The following ADAMTSL1 variants were observed in gnomAD, a reference collection of about 807,000 sequenced individuals.
ADAMTSL1 encodes ADAMTS-like protein 1.
A neutral mutation model predicts 201.8 loss-of-function variants in ADAMTSL1; 126 were observed. The ratio of observed to expected loss-of-function variants is 0.62; its 90% CI spans 0.54 to 0.72. The LOEUF is 0.72. ADAMTSL1 is among the 30% of genes least tolerant of loss of function. ADAMTSL1 has a pLI of 0.00. For synonymous variants in ADAMTSL1, 1,121 were observed against 903.4 expected (o/e 1.24, Z -4.32); for missense variants, 2,679 against 2,277.8 (o/e 1.18, Z -3.59).
chr9:18,663,974 C>T (rs1829270953), intron 9 of ADAMTSL1, among the ~76,000 whole-genome samples: 1 of 151,960 alleles, frequency 6.6e-6, no homozygotes. Flanking sequence ...TATTTTAAAA[C>T]ATTTATTACA....
intron 2 of ADAMTSL1, among the ~76,000 whole-genome samples, chr9:18,275,702 T>C (rs1466159142): frequency 6.6e-6 from 1 of 152,202 alleles, no homozygotes; most frequent in African/African-American, 2.4e-5. Flanking sequence ...TATTCCTTCG[T>C]ATTGCTGAGT....
chr9:18,458,373 AT>A (rs1365518699), intron 2 of ADAMTSL1, among the ~76,000 whole-genome samples: 1 of 152,188 alleles, frequency 6.6e-6, no homozygotes, highest in Non-Finnish European at 1.5e-5. Context: ...ACTCTGAACT[AT>A]TTTTTATACT....
Position 18,221,533 on chromosome 9 carries a change from C to G in ADAMTSL1, c.207+57552C>G, listed in dbSNP as rs1057477003. On this transcript the variant is annotated intron_variant, in intron 2 of 29. Transcript: ENST00000680146. ...TGTGCTTTGTGGATATATTTTCAGC[C>G]TTATTTTACTTTTTTTGAATGTAAG... 5.9e-5 allele frequency among the ~76,000 whole-genome samples: 9 copies of G among 152,058 alleles called. No individual in the cohort carries two copies. In the South Asian group the frequency reaches 1.9e-3, roughly 32 times the overall value.
At chr9:18,470,092 T>C (rs1374107169), upstream of ADAMTSL1, among the ~76,000 whole-genome samples, 4 of 152,186 alleles carry the variant, frequency 2.6e-5, no homozygotes, top group Admixed American at 6.5e-5. Context: ...TCTCAGATGG[T>C]AGTCCTGGGG....
At chr9:18,721,987 C>T (rs1407566165) in intron 15 of ADAMTSL1, among the ~76,000 whole-genome samples, 1 of 152,162 alleles carries the variant, frequency 6.6e-6, no homozygotes, top group African/African-American at 2.4e-5. Flanking sequence ...GGCTCTGCCA[C>T]CTTTTAGCCT....
chr9:18,088,293 G>A (rs543140252), intron 1 of ADAMTSL1, among the ~76,000 whole-genome samples: 1 of 152,234 alleles, frequency 6.6e-6, no homozygotes, highest in South Asian at 2.1e-4. Flanking sequence ...TGAAAAATCT[G>A]TAGAAGAAAA....
chr9:18,837,486 C>T (rs1563843472), intron 23 of ADAMTSL1, among the ~76,000 whole-genome samples: 1 of 152,132 alleles, frequency 6.6e-6, no homozygotes, highest in Non-Finnish European at 1.5e-5. Context: ...TACTTAATGC[C>T]CTATAAATCA....
At chr9:18,409,048 T>C (rs1265022625) in intron 2 of ADAMTSL1, among the ~76,000 whole-genome samples, 1 of 152,012 alleles carries the variant, frequency 6.6e-6, no homozygotes, top group Non-Finnish European at 1.5e-5. Flanking sequence ...ATAAGGAATA[T>C]TATTGATCAT....
intron 2 of ADAMTSL1, among the ~76,000 whole-genome samples, chr9:18,468,391 A>T (rs1330578093): frequency 6.6e-6 from 1 of 152,158 alleles, no homozygotes; most frequent in Non-Finnish European, 1.5e-5. Flanking sequence ...TATTTTTCCC[A>T]GAGTTTCATT....
intron 2 of ADAMTSL1, among the ~76,000 whole-genome samples, chr9:18,397,940 G>C (rs538253930): frequency 6.6e-6 from 1 of 152,238 alleles, no homozygotes; most frequent in Non-Finnish European, 1.5e-5. Flanking sequence ...GAATATTTTA[G>C]AGGCTAATGC....
chr9:17,948,879 G>A (rs1017078405), intron 1 of ADAMTSL1, among the ~76,000 whole-genome samples: 2 of 152,192 alleles, frequency 1.3e-5, no homozygotes, highest in African/African-American at 4.8e-5. Flanking sequence ...ACATGTGATT[G>A]TGCTAATTAT....
chr9:18,019,058 G>T (rs564902342), intron 1 of ADAMTSL1, among the ~76,000 whole-genome samples: 1 of 152,048 alleles, frequency 6.6e-6, no homozygotes, highest in Non-Finnish European at 1.5e-5. Context: ...AGAAAGTGCA[G>T]GAAAGTTAAG....
intron 2 of ADAMTSL1, among the ~76,000 whole-genome samples, chr9:18,390,868 A>G (rs1838016919): frequency 6.6e-6 from 1 of 152,224 alleles, no homozygotes; most frequent in Non-Finnish European, 1.5e-5. Flanking sequence ...AACCTTTCCT[A>G]GTATAAGTAA....
chr9:17,974,284 G>T (rs534534519), intron 1 of ADAMTSL1, among the ~76,000 whole-genome samples: 10 of 152,036 alleles, frequency 6.6e-5, no homozygotes, highest in East Asian at 1.9e-4. Context: ...GGTATTCAAT[G>T]AGGAAAAGAG....
At chr9:18,889,262 A>T (rs1286625474) in intron 24 of ADAMTSL1, among the ~76,000 whole-genome samples, 1 of 152,210 alleles carries the variant, frequency 6.6e-6, no homozygotes, top group African/African-American at 2.4e-5. Flanking sequence ...CTGTGGCATT[A>T]ATTGTGCACT....
intron 22 of ADAMTSL1, among the ~76,000 whole-genome samples, chr9:18,826,790 A>C (rs1395292628): frequency 6.6e-6 from 1 of 152,238 alleles, no homozygotes; most frequent in Non-Finnish European, 1.5e-5. Flanking sequence ...GAGATAACCT[A>C]ATTAAAACAA....
chr9:18,451,689 T>G (rs760707242), intron 2 of ADAMTSL1, among the ~76,000 whole-genome samples: 1 of 152,252 alleles, frequency 6.6e-6, no homozygotes, highest in Non-Finnish European at 1.5e-5. Flanking sequence ...ACAGTTCTTC[T>G]TCAAGCCTGA....
chr9:18,181,959 A>T (rs1432761318), intron 2 of ADAMTSL1, among the ~76,000 whole-genome samples: 1 of 152,042 alleles, frequency 6.6e-6, no homozygotes, highest in Non-Finnish European at 1.5e-5. Flanking sequence ...ATGCAGCCAT[A>T]AAAAAATGAT....
In ADAMTSL1 at chr9:17,970,515, C is replaced by T. The variant is rs147062432; in HGVS notation, c.87+63593C>T. On this transcript the variant is annotated intron_variant, in intron 1 of 29. Transcript: ENST00000680146. ...ACAGCTTGACCCTTCTTTCTTGTCACCTTTAACTTGATGCTTCAGTGACTC... is the reference window on the plus strand; with the variant it reads ...ACAGCTTGACCCTTCTTTCTTGTCATCTTTAACTTGATGCTTCAGTGACTC... Among the ~76,000 whole-genome samples the T allele has an allele frequency of 2.6e-3, 397 of 152,112 alleles. 2 individuals are homozygous for T. Among genetic ancestry groups the T allele is most frequent in the Non-Finnish European group, 3.5e-3 (237 of 67,962 alleles).
Sources: allele counts gnomAD v4.1 joint callset (sites outside exome capture counted in the v4.1 genomes callset), GRCh38; gene constraint gnomAD v4.1.1; transcripts MANE v1.5; gene names NCBI Gene and HGNC (gene_info 2026-07-23, HGNC 2026-07-21).